ARHGEF7: variants seen among roughly 807,000 people sequenced by gnomAD.
ARHGEF7 encodes Rho guanine nucleotide exchange factor 7, also known as PAK-interacting exchange factor beta.
ARHGEF7 carries 33 observed loss-of-function variants against 109.8 expected under a neutral mutation model. The ratio of observed to expected loss-of-function variants is 0.30; its 90% CI spans 0.23 to 0.40. The LOEUF (loss-of-function observed/expected upper bound fraction) is 0.40, where lower values mean the gene tolerates loss of function less well. Ranked by LOEUF, ARHGEF7 falls within the 10% of genes least tolerant of loss-of-function variation. The pLI, the probability that ARHGEF7 is intolerant of heterozygous loss-of-function variation, is 1.00. For missense variants in ARHGEF7, 938 were observed against 1,098.5 expected, an observed-to-expected ratio of 0.85 and a Z score of 2.07; for synonymous variants, 458 against 424.6, an observed-to-expected ratio of 1.08 and a Z score of -0.97.
chr13:111,235,912 G>A (rs1485006562), intron 6 of ARHGEF7, among the ~76,000 whole-genome samples: 1 of 152,160 alleles, frequency 6.6e-6, no homozygotes, highest in East Asian at 1.9e-4. Context: ...TGGTGTTAAG[G>A]AAATTTACAT....
intron 1 of ARHGEF7, among the ~76,000 whole-genome samples, chr13:111,133,757 TTTTCTTTATATATATATA>T (rs1442189905): frequency 3.5e-4 from 41 of 115,836 alleles, no homozygotes; most frequent in Non-Finnish European, 4.5e-4. Context: ...GAGAATCTGC[TTTTCTTTATATATATATA>T]TATATATATA....
chr13:111,135,266 T>C (rs1178687382), intron 1 of ARHGEF7, among the ~76,000 whole-genome samples: 1 of 152,194 alleles, frequency 6.6e-6, no homozygotes, highest in Non-Finnish European at 1.5e-5. Context: ...TGGCTTAGGA[T>C]TGACTTGGCA....
At chr13:111,242,946 T>C (rs1293605298) in intron 6 of ARHGEF7, among the ~76,000 whole-genome samples, 1 of 152,236 alleles carries the variant, frequency 6.6e-6, no homozygotes, top group African/African-American at 2.4e-5. Flanking sequence ...CTTGGTTTCA[T>C]CAGTTTTGCA....
intron 2 of ARHGEF7, among the ~76,000 whole-genome samples, chr13:111,179,665 A>G (rs2078548305): frequency 6.6e-6 from 1 of 152,228 alleles, no homozygotes; most frequent in Non-Finnish European, 1.5e-5. Flanking sequence ...AACAAGGGTC[A>G]TGCATTACAT....
intron 16 of ARHGEF7, among the ~76,000 whole-genome samples, chr13:111,285,178 C>T (rs1201053436): frequency 3.9e-5 from 6 of 152,268 alleles, no homozygotes; most frequent in East Asian, 1.9e-4. Flanking sequence ...CATCACCTTC[C>T]GCCTTTTGGA....
chr13:111,206,423 G>A (rs910860887), intron 3 of ARHGEF7, among the ~76,000 whole-genome samples: 11 of 152,070 alleles, frequency 7.2e-5, no homozygotes, highest in Non-Finnish European at 1.5e-4. Flanking sequence ...CTGATGCCCC[G>A]GCGAGAGGCA....
chr13:111,154,955 C>T (rs542507942), intron 2 of ARHGEF7, among the ~76,000 whole-genome samples: 1 of 151,954 alleles, frequency 6.6e-6, no homozygotes, highest in South Asian at 2.1e-4. Flanking sequence ...GTTACCCACC[C>T]GTGTATTCAG....
chr13:111,129,445 C>G (rs1258018987), intron 1 of ARHGEF7, among the ~76,000 whole-genome samples: 1 of 152,038 alleles, frequency 6.6e-6, no homozygotes, highest in Non-Finnish European at 1.5e-5. Flanking sequence ...AAAAGACAGT[C>G]TATATATTGG....
chr13:111,169,507 C>T (rs1023089841), intron 2 of ARHGEF7, among the ~76,000 whole-genome samples: 41 of 152,114 alleles, frequency 2.7e-4, no homozygotes, highest in Non-Finnish European at 7.4e-5. Flanking sequence ...CTCATCATCA[C>T]GAGAACAGCA....
At chr13:111,138,794 C>T (rs1225844874) in intron 1 of ARHGEF7, among the ~76,000 whole-genome samples, 12 of 152,158 alleles carry the variant, frequency 7.9e-5, no homozygotes, top group Non-Finnish European at 1.2e-4. Context: ...GACAACACCC[C>T]ACCCCAAGTC....
At chr13:111,173,786 T>C (rs2077826535) in intron 2 of ARHGEF7, among the ~76,000 whole-genome samples, 4 of 146,600 alleles carry the variant, frequency 2.7e-5, no homozygotes, top group African/African-American at 1.0e-4. Context: ...CACCTGGTCT[T>C]GGAGGGTTGG....
At chr13:111,279,341 A>C (rs1344183430) in intron 13 of ARHGEF7, among the ~76,000 whole-genome samples, 2 of 151,438 alleles carry the variant, frequency 1.3e-5, no homozygotes, top group Non-Finnish European at 2.9e-5. Flanking sequence ...GGTCTCGGTG[A>C]GACTGTCCTG....
intron 2 of ARHGEF7, among the ~76,000 whole-genome samples, chr13:111,156,841 A>G (rs1282881396): frequency 7.9e-5 from 12 of 152,274 alleles, no homozygotes; most frequent in Admixed American, 5.9e-4. Context: ...CTAATAGCTT[A>G]AATTCTAGAT....
chr13:111,192,266 G>A (rs138101799), intron 2 of ARHGEF7, among the ~76,000 whole-genome samples: 124 of 152,220 alleles, frequency 8.1e-4, no homozygotes, highest in African/African-American at 2.9e-3. Flanking sequence ...CTGCAGTGGG[G>A]GTAGAGAGGA....
chr13:111,237,623 A>G (rs2153534513), intron 6 of ARHGEF7, among the ~76,000 whole-genome samples: 1 of 152,382 alleles, frequency 6.6e-6, no homozygotes, highest in South Asian at 2.1e-4. Flanking sequence ...TTATAGTAAT[A>G]AATTGCAAGC....
Position 111,273,539 on chromosome 13 carries a change from C to T in ARHGEF7, c.1074-275C>T, listed in dbSNP as rs761569653. 1.7e-4 allele frequency among the ~76,000 whole-genome samples: 26 copies of T among 152,150 alleles called. No homozygotes were observed. Among genetic ancestry groups the T allele is most frequent in the Non-Finnish European group, 3.4e-4 (23 of 68,026 alleles). ...ATGGCACTGATGTGCTGGAGGACCTCGCCATCAGTAGGATCTCATGGAGAC... is the reference window on the plus strand; with the variant it reads ...ATGGCACTGATGTGCTGGAGGACCTTGCCATCAGTAGGATCTCATGGAGAC... On this transcript the variant is annotated intron_variant, in intron 9 of 21. Coordinates refer to ENST00000646102, the MANE Select transcript of ARHGEF7 (RefSeq NM_001354046.2). The surrounding 1 kb of genome is among the most constrained non-coding windows in gnomAD (Gnocchi z 4.5).
At chr13:111,243,462 C>G (rs1595107811) in intron 6 of ARHGEF7, among the ~76,000 whole-genome samples, 1 of 152,316 alleles carries the variant, frequency 6.6e-6, no homozygotes, top group African/African-American at 2.4e-5. Flanking sequence ...TTTGTCATCT[C>G]TTAGACTTAA....
chr13:111,297,043 A>G (rs1391867060), intron 19 of ARHGEF7, among the ~76,000 whole-genome samples: 2 of 152,258 alleles, frequency 1.3e-5, no homozygotes, highest in East Asian at 1.9e-4. Context: ...ATAATGTGCT[A>G]TGATGTCTCT....
chr13:111,144,117 T>C (rs2075474620), intron 1 of ARHGEF7: 1 of 152,222 alleles, frequency 6.6e-6, no homozygotes, highest in African/African-American at 2.4e-5. Flanking sequence ...TGACATTTCA[T>C]GTCTCTGGCA....
Sources: gnomAD v4.1 joint callset for allele counts (sites outside exome capture counted in the v4.1 genomes callset) on GRCh38, gnomAD v4.1.1 for gene constraint, Gnocchi (gnomAD v3.1) non-coding constraint, MANE v1.5 for transcripts, NCBI Gene and HGNC (gene_info 2026-07-23, HGNC 2026-07-21) for gene names.